Variants in STXBP5L observed in about 807,000 individuals in gnomAD.
STXBP5L encodes syntaxin-binding protein 5-like.
Under a neutral mutation model 144.5 loss-of-function variants are expected in STXBP5L, and 65 were observed. That is an observed-to-expected ratio of 0.45 (90% CI 0.37 to 0.55). The LOEUF (loss-of-function observed/expected upper bound fraction) is 0.55, where lower values mean the gene tolerates loss of function less well. Ranked by LOEUF, STXBP5L falls within the 20% of genes least tolerant of loss-of-function variation. The probability of loss-of-function intolerance (pLI) is 0.00; values close to 1 mark genes in which losing one functional copy is unlikely to be tolerated. For missense variants in STXBP5L, 1,298 were observed against 1,405.5 expected (o/e 0.92, Z 1.22); for synonymous variants, 505 against 469.6 (o/e 1.08, Z -0.97).
intron 5 of STXBP5L, among the ~76,000 whole-genome samples, chr3:121,097,597 T>C (rs1576946581): frequency 6.6e-6 from 1 of 151,946 alleles, no homozygotes; most frequent in Non-Finnish European, 1.5e-5. Context: ...ACTTCCTGGG[T>C]GAGGCGATGC....
At chr3:121,101,544 G>A (rs368706000) in intron 5 of STXBP5L, among the ~76,000 whole-genome samples, 38 of 151,936 alleles carry the variant, frequency 2.5e-4, no homozygotes, top group African/African-American at 8.9e-4. Flanking sequence ...TTCATAATAA[G>A]AAACATCAAC....
At chr3:121,257,728 C>A (rs1052817914) in intron 17 of STXBP5L, among the ~76,000 whole-genome samples, 2 of 152,112 alleles carry the variant, frequency 1.3e-5, no homozygotes, top group African/African-American at 2.4e-5. Context: ...AGTTTGAGAG[C>A]AGCCTGGGCA....
At chr3:120,990,157 A>G (rs908131337) in intron 3 of STXBP5L, among the ~76,000 whole-genome samples, 2 of 152,136 alleles carry the variant, frequency 1.3e-5, no homozygotes, top group African/African-American at 4.8e-5. Flanking sequence ...ATTCTTATAC[A>G]CCAATAACAG....
intron 7 of STXBP5L, among the ~76,000 whole-genome samples, chr3:121,146,697 A>C (rs1170857116): frequency 2.6e-5 from 4 of 152,120 alleles, no homozygotes; most frequent in African/African-American, 9.6e-5. Context: ...AACTATACTA[A>C]TATCAGAGGA....
chr3:120,948,137 G>A (rs1311029917), intron 2 of STXBP5L, among the ~76,000 whole-genome samples: 1 of 151,530 alleles, frequency 6.6e-6, no homozygotes, highest in East Asian at 1.9e-4. Context: ...TTTTATTATA[G>A]TTATCCTAGT....
At chr3:120,957,555 A>G (rs1248534484) in intron 3 of STXBP5L, among the ~76,000 whole-genome samples, 1 of 152,042 alleles carries the variant, frequency 6.6e-6, no homozygotes. Context: ...TGCCGGCCTC[A>G]TAGATGAGAT....
intron 15 of STXBP5L, among the ~76,000 whole-genome samples, chr3:121,252,984 G>C (rs1352491934): frequency 6.6e-6 from 1 of 152,112 alleles, no homozygotes; most frequent in Non-Finnish European, 1.5e-5. Flanking sequence ...TACCTTCAGG[G>C]AGGGCCTCAG....
At chr3:120,937,792 C>T (rs1710344632) in intron 2 of STXBP5L, among the ~76,000 whole-genome samples, 1 of 152,126 alleles carries the variant, frequency 6.6e-6, no homozygotes, top group Admixed American at 6.5e-5. Flanking sequence ...AATTTATATA[C>T]TTAAACAAGG....
At chr3:120,988,031 T>G (rs923649245) in intron 3 of STXBP5L, among the ~76,000 whole-genome samples, 1 of 151,818 alleles carries the variant, frequency 6.6e-6, no homozygotes, top group Non-Finnish European at 1.5e-5. Context: ...TTTTTGTAGT[T>G]TGTCATCAGT....
intron 7 of STXBP5L, among the ~76,000 whole-genome samples, chr3:121,151,964 T>C (rs959732073): frequency 3.3e-5 from 5 of 151,984 alleles, no homozygotes; most frequent in African/African-American, 9.7e-5. Flanking sequence ...TAAATATTAA[T>C]CTTTTTAATG....
chr3:120,979,831 CT>C (rs1387194138), intron 3 of STXBP5L, among the ~76,000 whole-genome samples: 1 of 152,116 alleles, frequency 6.6e-6, no homozygotes, highest in Non-Finnish European at 1.5e-5. Flanking sequence ...AGTTGGAGAT[CT>C]TATTATCTTT....
chr3:121,162,009 T>C (rs1467696225), intron 9 of STXBP5L, among the ~76,000 whole-genome samples: 1 of 152,062 alleles, frequency 6.6e-6, no homozygotes, highest in East Asian at 1.9e-4. Flanking sequence ...AAAAATGAAT[T>C]AGGAAAACTA....
chr3:121,290,824 A>G (rs1169846606), intron 19 of STXBP5L, among the ~76,000 whole-genome samples: 1 of 152,210 alleles, frequency 6.6e-6, no homozygotes, highest in Non-Finnish European at 1.5e-5. Context: ...ATAGATGCAG[A>G]AAAAGCATTT....
intron 19 of STXBP5L, among the ~76,000 whole-genome samples, chr3:121,290,402 G>A (rs1331922783): frequency 1.3e-5 from 2 of 151,924 alleles, no homozygotes; most frequent in African/African-American, 2.4e-5. Flanking sequence ...AGATTAAAAT[G>A]GTAATTTAAA....
chr3:121,405,518 T>C (rs985416032), intron 22 of STXBP5L, among the ~76,000 whole-genome samples: 9 of 152,130 alleles, frequency 5.9e-5, no homozygotes, highest in Non-Finnish European at 1.0e-4. Context: ...ATGAAGGTTG[T>C]AGTCGGCAAG....
intron 23 of STXBP5L, 91 bp downstream of exon 23, chr3:121,407,694 C>A: frequency 6.7e-7 from 1 of 1,486,290 alleles, no homozygotes; most frequent in Non-Finnish European, 9.1e-7. Context: ...CAGATGTTAT[C>A]AAGAAGCAAA....
At chr3:121,189,653 C>T (rs1000037953) in intron 9 of STXBP5L, among the ~76,000 whole-genome samples, 6 of 152,128 alleles carry the variant, frequency 3.9e-5, no homozygotes, top group African/African-American at 2.4e-5. Flanking sequence ...AGTCAGGTAG[C>T]GTGATGCCTC....
chr3:121,209,569 C>A (rs2048473658), intron 10 of STXBP5L, among the ~76,000 whole-genome samples: 1 of 152,118 alleles, frequency 6.6e-6, no homozygotes. Context: ...TCTCCTAATG[C>A]TATCCATCCC....
At chr3:120,963,351 A>G (rs1005056801) in intron 3 of STXBP5L, among the ~76,000 whole-genome samples, 4 of 152,108 alleles carry the variant, frequency 2.6e-5, no homozygotes, top group Admixed American at 2.6e-4. Context: ...TCTGTCTTGT[A>G]CCAGTTTTCA....
Sources: gnomAD v4.1 joint callset for allele counts (sites outside exome capture counted in the v4.1 genomes callset) on GRCh38, gnomAD v4.1.1 for gene constraint, MANE v1.5 for transcripts, NCBI Gene and HGNC (gene_info 2026-07-23, HGNC 2026-07-21) for gene names.